Variants in PPP1R18 observed in about 807,000 individuals in gnomAD.
The protein encoded by PPP1R18 is protein phosphatase 1 regulatory subunit 18.
A neutral mutation model predicts 54.8 loss-of-function variants in PPP1R18; 31 were observed. That is an observed-to-expected ratio of 0.57 (90% CI 0.43 to 0.76). The LOEUF (loss-of-function observed/expected upper bound fraction) is 0.76. Among genes scored for constraint, PPP1R18 ranks in the 30% least tolerant of loss-of-function variants. The pLI is 0.00. For synonymous variants in PPP1R18, 310 were observed against 320.2 expected (o/e 0.97, Z 0.34); for missense variants, 685 against 776.1 (o/e 0.88, Z 1.39).
In PPP1R18 at chr6:30,684,622, C is replaced by G. The variant is rs1278714515; in HGVS notation, c.1397G>C (p.Arg466Pro). 1 of 1,517,950 alleles carries G rather than the reference C, an allele frequency of 6.6e-7. No individual in the cohort carries two copies. Among genetic ancestry groups the G allele is most frequent in the African/African-American group, 1.4e-5 (1 of 72,098 alleles). 94.0% of individuals were successfully genotyped at this position (1,517,950 alleles called of 1,614,324 possible). A position where few individuals can be genotyped will look rare whatever the true frequency, so the allele number is the denominator to read the frequency against. Residue 466 changes from arginine to proline, a missense_variant, in exon 1 of 3, where the codon CGC becomes CCC. Physicochemically the swap from Arg to Pro is moderately radical, Grantham distance 103. Coordinates refer to ENST00000274853, the MANE Select transcript of PPP1R18 (RefSeq NM_133471.4). This position sits in a 1 kb window ranked among gnomAD's most constrained non-coding sequence, Gnocchi z 6.0. ...GACGGTGAAGGTGTGTCCACTGCGG[C>G]GGGGGGCCCCCACCCCTGGCCCTGC... is the stretch of plus-strand genomic sequence containing the variant. ...VKAGPGVGAP[R>P]RSGHTFTVNP...
In PPP1R18 at chr6:30,684,594, G is replaced by A. The variant is rs1052317637; in HGVS notation, c.1425C>T (p.Asn475=). 1 of 1,597,010 alleles carries A rather than the reference G, an allele frequency of 6.3e-7. No homozygotes were observed. The highest frequency in any genetic ancestry group is 1.7e-5 in the Admixed American group (1 of 57,808). The stretch of plus-strand genomic sequence containing the variant: ...TCGCAGGGGGCACAGACCGCCGGGG[G>A]TTGACGGTGAAGGTGTGTCCACTGC... ...PRRSGHTFTV[N]PRRSVPPATP... Residue 475 remains asparagine (N), a synonymous_variant, in exon 1 of 3, where the codon AAC becomes AAT. Coordinates refer to ENST00000274853, the MANE Select transcript of PPP1R18 (RefSeq NM_133471.4). This position sits in a 1 kb window ranked among gnomAD's most constrained non-coding sequence, Gnocchi z 6.0.
rs1036923686 is a variant in PPP1R18 at position 30,685,735 on chromosome 6, C to T, written c.284G>A (p.Arg95Gln). The change falls in exon 1 of 3, where the codon CGG becomes CAG. Residue 95 changes from arginine (R) to glutamine (Q), a missense_variant. Arg to Gln is a conservative substitution (Grantham distance 43). Coordinates refer to ENST00000274853, the MANE Select transcript of PPP1R18 (RefSeq NM_133471.4). The surrounding 1 kb of genome is among the most constrained non-coding windows in gnomAD (Gnocchi z 5.0). The stretch of plus-strand genomic sequence containing the variant: ...TTGTTGTTGCTGCTGCTGCTGCTGC[C>T]GCTCCTGCCGGATGAATCGGTTCTG... Reference protein sequence around the residue: ...VHQNRFIRQERQQQQQQQQRS... With the variant: ...VHQNRFIRQEQQQQQQQQQRS... The T allele has an allele frequency of 3.3e-5, 54 of 1,612,776 alleles. No individual in the cohort carries two copies. Among genetic ancestry groups the T allele is most frequent in the Non-Finnish European group, 4.2e-5 (50 of 1,179,994 alleles).
At position 30,683,060 on chromosome 6, in the gene PPP1R18, G is replaced by A. The variant is rs2127611158; in HGVS notation, c.1611+1348C>T. Among the ~76,000 whole-genome samples the A allele has an allele frequency of 6.6e-6, 1 of 152,302 alleles. No individual in the cohort carries two copies. Among genetic ancestry groups the A allele is most frequent in the Non-Finnish European group, 1.5e-5 (1 of 68,020 alleles). On this transcript the variant is annotated intron_variant, in intron 1 of 2. Transcript: ENST00000274853. The surrounding 1 kb of genome is among the most constrained non-coding windows in gnomAD (Gnocchi z 5.1). ...CCCAAGAACCATGGCTTAGAGGTGGGAGCTTACGCTTCATGTGAAGATGAA... is the reference window on the plus strand; with the variant it reads ...CCCAAGAACCATGGCTTAGAGGTGGAAGCTTACGCTTCATGTGAAGATGAA...
At position 30,684,619 on chromosome 6, in the gene PPP1R18, C is replaced by T. The variant is rs772622707; in HGVS notation, c.1400G>A (p.Arg467His). Reference sequence around the variant, plus strand: ...GTTGACGGTGAAGGTGTGTCCACTGCGGCGGGGGGCCCCCACCCCTGGCCC... The same window carrying T: ...GTTGACGGTGAAGGTGTGTCCACTGTGGCGGGGGGCCCCCACCCCTGGCCC... ...KAGPGVGAPR[R>H]SGHTFTVNPR... is the part of the protein sequence containing the mutation. Residue 467 changes from arginine (R) to histidine (H), a missense_variant, in exon 1 of 3, where the codon CGC becomes CAC. Arg to His is a conservative substitution (Grantham distance 29, BLOSUM62 0). Transcript: ENST00000274853. This position sits in a 1 kb window ranked among gnomAD's most constrained non-coding sequence, Gnocchi z 6.0. 8 of 1,553,598 alleles carry T rather than the reference C, an allele frequency of 5.1e-6. No individual in the cohort carries two copies. The highest frequency in any genetic ancestry group is 3.6e-5 in the South Asian group (3 of 83,864).
rs183107230 is a variant in PPP1R18 at position 30,683,042 on chromosome 6, A to G, written c.1611+1366T>C. ...GAGGGCTGAGGGTAGGTTCCCAAGA[A>G]CCATGGCTTAGAGGTGGGAGCTTAC... On this transcript the variant is annotated intron_variant, in intron 1 of 2. Transcript: ENST00000274853. The surrounding 1 kb of genome is among the most constrained non-coding windows in gnomAD (Gnocchi z 5.1). Among the ~76,000 whole-genome samples the G allele has an allele frequency of 6.6e-6, 1 of 152,278 alleles. No individual in the cohort carries two copies. Among genetic ancestry groups the G allele is most frequent in the East Asian group, 1.9e-4 (1 of 5,184 alleles).
rs1355907491 is a variant in PPP1R18, at chr6:30,685,035, T to C, written c.984A>G (p.Pro328=). ...PVEDGERGMK[P]TEGWKWTLNS... ...TCAGGGTCCATTTCCACCCTTCTGT[T>C]GGCTTCATGCCCCTCTCGCCATCTT... Residue 328 remains proline, a synonymous_variant, in exon 1 of 3, where the codon CCA becomes CCG. Coordinates refer to ENST00000274853, the MANE Select transcript of PPP1R18 (RefSeq NM_133471.4). The surrounding 1 kb of genome is among the most constrained non-coding windows in gnomAD (Gnocchi z 5.0). 6.2e-7 allele frequency: 1 copy of C among 1,613,226 alleles called. No homozygotes were observed. Among genetic ancestry groups the C allele is most frequent in the Non-Finnish European group, 8.5e-7 (1 of 1,179,986 alleles).
chr6:30,684,813 G>C lies in PPP1R18; in HGVS notation c.1206C>G (p.Pro402=), dbSNP rs771925734. ...ALQNCCSVPS[P]LPPEDAGTGG... ...CAGTCCCAGCGTCCTCTGGTGGGAGGGGGGAGGGCACAGAGCAGCAGTTCT... is the reference window on the plus strand; with the variant it reads ...CAGTCCCAGCGTCCTCTGGTGGGAGCGGGGAGGGCACAGAGCAGCAGTTCT... The change falls in exon 1 of 3, where the codon CCC becomes CCG. Residue 402 remains proline, a synonymous_variant. Coordinates refer to ENST00000274853, the MANE Select transcript of PPP1R18 (RefSeq NM_133471.4). The surrounding 1 kb of genome is among the most constrained non-coding windows in gnomAD (Gnocchi z 6.0). 1.1e-5 allele frequency: 17 copies of C among 1,611,696 alleles called. No homozygotes were observed. The highest frequency in any genetic ancestry group is 3.3e-5 in the Admixed American group (2 of 59,892).
Position 30,685,535 on chromosome 6 carries a change from A to G in PPP1R18, c.484T>C (p.Leu162=). ...CGAGCCTCCAGAGGCCTCAGGCTCAACTCTTGGGCTCCCCCTATCCCCAGC... is the reference window on the plus strand; with the variant it reads ...CGAGCCTCCAGAGGCCTCAGGCTCAGCTCTTGGGCTCCCCCTATCCCCAGC... ...RRLGIGGAQE[L]SLRPLEARDW... is the part of the protein sequence containing the mutation. The change falls in exon 1 of 3, where the codon TTG becomes CTG. Residue 162 remains leucine, a synonymous_variant. Transcript: ENST00000274853. The surrounding 1 kb of genome is among the most constrained non-coding windows in gnomAD (Gnocchi z 5.0). 1 of 1,611,714 alleles carries G rather than the reference A, an allele frequency of 6.2e-7. No homozygotes were observed. The highest frequency in any genetic ancestry group is 2.2e-5 in the East Asian group (1 of 44,802).
Position 30,686,239 on chromosome 6 carries a change from G to C in PPP1R18, c.-221C>G, listed in dbSNP as rs905436734. 7.7e-6 allele frequency: 4 copies of C among 517,410 alleles called. No individual in the cohort carries two copies. The highest frequency in any genetic ancestry group is 3.9e-5 in the African/African-American group (2 of 51,032). 32.1% of individuals were successfully genotyped at this position (517,410 alleles called of 1,614,324 possible). On this transcript the variant is annotated 5_prime_UTR_variant, in exon 1 of 3. Transcript: ENST00000274853. ...TGGAAAAAGTGAAGAGAAGTTGTGAGCCCAAGTTGGGGGTGGTGGGGGTGA... is the reference window on the plus strand; with the variant it reads ...TGGAAAAAGTGAAGAGAAGTTGTGACCCCAAGTTGGGGGTGGTGGGGGTGA...
chr6:30,681,084 C>CA (rs536726905), intron 1 of PPP1R18, among the ~76,000 whole-genome samples: 963 of 76,374 alleles, frequency 0.013, 11 homozygotes, highest in African/African-American at 0.026. Flanking sequence ...GACTCTGTCT[C>CA]AAAAAAAAAA....
At chr6:30,687,561 G>C (rs968678830), upstream of PPP1R18, 3 of 152,506 alleles carry the variant, frequency 2.0e-5, no homozygotes, top group East Asian at 5.8e-4. The surrounding 1 kb of genome is among the most constrained non-coding windows in gnomAD (Gnocchi z 7.9). Flanking sequence ...TGGGACTTTG[G>C]GAGGAAGCGG....
In PPP1R18 at chr6:30,677,056, G is replaced by A. The variant is rs755039579; in HGVS notation, c.*213C>T. On this transcript the variant is annotated 3_prime_UTR_variant, in exon 3 of 3. Coordinates refer to ENST00000274853, the MANE Select transcript of PPP1R18 (RefSeq NM_133471.4). ...TGGATGACCTAGGATGCACCAGCACGTTTAACCCCACCCACACCAGGGACT... is the reference window on the plus strand; with the variant it reads ...TGGATGACCTAGGATGCACCAGCACATTTAACCCCACCCACACCAGGGACT... 1.9e-5 allele frequency: 13 copies of A among 699,912 alleles called. No individual in the cohort carries two copies. Among genetic ancestry groups the A allele is most frequent in the African/African-American group, 1.4e-4 (8 of 57,040 alleles). The allele number at this position is 699,912 out of a possible 1,614,324, so 43.4% of individuals were successfully genotyped here.
At chr6:30,681,458 T>C (rs1470300763) in intron 1 of PPP1R18, among the ~76,000 whole-genome samples, 2 of 152,138 alleles carry the variant, frequency 1.3e-5, no homozygotes, top group Non-Finnish European at 2.9e-5. Flanking sequence ...ATTATACTCA[T>C]GTCTGCTGTT....
intron 1 of PPP1R18, among the ~76,000 whole-genome samples, chr6:30,682,369 G>A (rs1272936550): frequency 6.6e-6 from 1 of 152,176 alleles, no homozygotes; most frequent in Non-Finnish European, 1.5e-5. Context: ...TCCAGTGGCA[G>A]GGCTGGGATT....
At position 30,685,640 on chromosome 6, in the gene PPP1R18, C is replaced by CAGGGCTGGAG; in HGVS notation, c.378_379insCTCCAGCCCT (p.Gly127LeufsTer99). 6.2e-7 allele frequency: 1 copy of CAGGGCTGGAG among 1,613,108 alleles called. No individual in the cohort carries two copies. ...TTGGGGCTCTGATCCCGCATCTCCCCAGGGCTGGGTCTCCGCTCCCGGGCC... is the reference window on the plus strand; with the variant it reads ...TTGGGGCTCTGATCCCGCATCTCCCCAGGGCTGGAGAGGGCTGGGTCTCCGCTCCCGGGCC... On this transcript the variant is annotated frameshift_variant, in exon 1 of 3. Transcript: ENST00000274853. LOFTEE classifies it high-confidence loss of function. The surrounding 1 kb of genome is among the most constrained non-coding windows in gnomAD (Gnocchi z 5.0).
Position 30,679,208 on chromosome 6 carries a change from C to T in PPP1R18, c.1793G>A (p.Gly598Asp). 1.3e-6 allele frequency: 2 copies of T among 1,586,496 alleles called. No individual in the cohort carries two copies. The highest frequency in any genetic ancestry group is 1.8e-5 in the Admixed American group (1 of 55,458). The change falls in exon 2 of 3, where the codon GGC (glycine) becomes GAC (aspartate). Residue 598 changes from glycine to aspartate, a missense_variant. Coordinates refer to ENST00000274853, the MANE Select transcript of PPP1R18 (RefSeq NM_133471.4). ...ELLLLQPELQ[G>D]GLRTKALIVD... ...AATCAGGGCCTTGGTGCGCAGCCCG[C>T]CCTGGAGCTCTGGCTGCAGCAGCAG...
chr6:30,685,604 A>T lies in PPP1R18; in HGVS notation c.415T>A (p.Ser139Thr). The T allele has an allele frequency of 6.2e-7, 1 of 1,603,968 alleles. No individual in the cohort carries two copies. The highest frequency in any genetic ancestry group is 8.5e-7 in the Non-Finnish European group (1 of 1,177,068). The change falls in exon 1 of 3, where the codon TCA (serine) becomes ACA (threonine). Residue 139 changes from serine (S) to threonine (T), a missense_variant. Coordinates refer to ENST00000274853, the MANE Select transcript of PPP1R18 (RefSeq NM_133471.4). The surrounding 1 kb of genome is among the most constrained non-coding windows in gnomAD (Gnocchi z 5.0). ...CTCGGACTTAGTCTCTCTTCTCTTG[A>T]CTCTCTTCCCTTGGGGCTCTGATCC... ...MRDQSPKGRE[S>T]REERLSPRET...
rs1336364713 is a variant in PPP1R18 at position 30,686,249 on chromosome 6, G to A, written c.-231C>T. On this transcript the variant is annotated 5_prime_UTR_variant, in exon 1 of 3. Coordinates refer to ENST00000274853, the MANE Select transcript of PPP1R18 (RefSeq NM_133471.4). ...GAAGAGAAGTTGTGAGCCCAAGTTGGGGGTGGTGGGGGTGATGTGAGAGGA... is the reference window on the plus strand; with the variant it reads ...GAAGAGAAGTTGTGAGCCCAAGTTGAGGGTGGTGGGGGTGATGTGAGAGGA... 1.9e-6 allele frequency: 1 copy of A among 523,754 alleles called. No homozygotes were observed. Among genetic ancestry groups the A allele is most frequent in the Non-Finnish European group, 3.4e-6 (1 of 298,254 alleles). The allele number at this position is 523,754 out of a possible 1,614,324, so 32.4% of individuals were successfully genotyped here.
In PPP1R18 at chr6:30,676,916, CG is replaced by C; in HGVS notation, c.*352del. ...AGTGCTTAAATCCCGAGAGTCCCCA[CG>C]GGATGGTGGGGAGGAAGGCTGTGGG... On this transcript the variant is annotated 3_prime_UTR_variant, in exon 3 of 3. Coordinates refer to ENST00000274853, the MANE Select transcript of PPP1R18 (RefSeq NM_133471.4). 2.3e-6 allele frequency: 1 copy of C among 427,130 alleles called. No homozygotes were observed. The highest frequency in any genetic ancestry group is 4.2e-6 in the Non-Finnish European group (1 of 238,506). The allele number at this position is 427,130 out of a possible 1,614,324, so 26.5% of individuals were successfully genotyped here. A position where few individuals can be genotyped will look rare whatever the true frequency, so the allele number is the denominator to read the frequency against.
Sources: allele counts gnomAD v4.1 joint callset (sites outside exome capture counted in the v4.1 genomes callset), GRCh38; gene constraint gnomAD v4.1.1; non-coding constraint Gnocchi (gnomAD v3.1); transcripts MANE v1.5; gene names NCBI Gene and HGNC (gene_info 2026-07-23, HGNC 2026-07-21).